KCNIP4: variants seen among roughly 807,000 people sequenced by gnomAD.
KCNIP4 encodes the protein Kv channel-interacting protein 4.
KCNIP4 carries 12 observed loss-of-function variants against 34.0 expected under a neutral mutation model. The observed-to-expected ratio is 0.35, with a 90% CI of 0.23 to 0.57. The LOEUF is 0.57. KCNIP4 is among the 20% of genes least tolerant of loss of function. KCNIP4 has a pLI of 0.83. For synonymous variants in KCNIP4, 124 were observed against 102.2 expected, an observed-to-expected ratio of 1.21 and a Z score of -1.29; for missense variants, 238 against 311.7, an observed-to-expected ratio of 0.76 and a Z score of 1.78.
intron 1 of KCNIP4, among the ~76,000 whole-genome samples, chr4:21,615,315 C>A (rs1388927209): frequency 6.6e-6 from 1 of 151,110 alleles, no homozygotes; most frequent in Non-Finnish European, 1.5e-5. Context: ...CTGAGGCGGG[C>A]GGATCACGAG....
intron 1 of KCNIP4, among the ~76,000 whole-genome samples, chr4:21,361,190 C>T (rs1252973351): frequency 6.6e-6 from 1 of 151,994 alleles, no homozygotes; most frequent in East Asian, 1.9e-4. Flanking sequence ...GCACTGGAGT[C>T]AGTTGTCTTG....
intron 1 of KCNIP4, among the ~76,000 whole-genome samples, chr4:21,800,252 T>C (rs776100838): frequency 3.3e-5 from 5 of 152,210 alleles, no homozygotes; most frequent in Non-Finnish European, 5.9e-5. Flanking sequence ...GATTATGCTA[T>C]AGGGCTCTGT....
intron 1 of KCNIP4, among the ~76,000 whole-genome samples, chr4:21,475,663 A>G (rs1730889165): frequency 1.3e-5 from 2 of 152,012 alleles, no homozygotes; most frequent in South Asian, 2.1e-4. Context: ...TTACAAAACT[A>G]TACTCTGGAA....
At chr4:21,843,205 T>C (rs533249180) in intron 1 of KCNIP4, 15 of 152,124 alleles carry the variant, frequency 9.9e-5, no homozygotes, top group Non-Finnish European at 2.1e-4. Context: ...ATGTAAAAAA[T>C]AAAACTCAGC....
chr4:21,699,678 C>T (rs2167246), intron 1 of KCNIP4, among the ~76,000 whole-genome samples: 15,095 of 152,138 alleles, frequency 0.099, 2,155 homozygotes, highest in African/African-American at 0.32. Context: ...AAGGGTGTGG[C>T]TGCTGAAACA....
At chr4:20,835,463 A>C (rs185321449) in intron 3 of KCNIP4, among the ~76,000 whole-genome samples, 123 of 151,890 alleles carry the variant, frequency 8.1e-4, no homozygotes, top group African/African-American at 3.0e-3. Flanking sequence ...TTATTATTTT[A>C]AAAAAACCTA....
At chr4:21,913,177 T>C (rs1188469575) in intron 1 of KCNIP4, among the ~76,000 whole-genome samples, 1 of 151,848 alleles carries the variant, frequency 6.6e-6, no homozygotes, top group Non-Finnish European at 1.5e-5. Context: ...ATGTTTCTTA[T>C]AAAAAAGGGG....
At chr4:20,970,677 T>C (rs1002437482) in intron 1 of KCNIP4, among the ~76,000 whole-genome samples, 2 of 152,178 alleles carry the variant, frequency 1.3e-5, no homozygotes. Flanking sequence ...CAAAGAATTA[T>C]CCAGCCCCAA....
chr4:21,489,935 G>A (rs1732237379), intron 1 of KCNIP4, among the ~76,000 whole-genome samples: 1 of 150,980 alleles, frequency 6.6e-6, no homozygotes, highest in African/African-American at 2.4e-5. Flanking sequence ...GATAACTTTG[G>A]TGAGATTTTC....
At chr4:21,479,431 T>C (rs358589) in intron 1 of KCNIP4, among the ~76,000 whole-genome samples, 107,033 of 152,006 alleles carry the variant, frequency 0.7, 38,276 homozygotes, top group African/African-American at 0.83. Flanking sequence ...TGGAATGAGA[T>C]ATGCATGCTA....
intron 1 of KCNIP4, among the ~76,000 whole-genome samples, chr4:21,090,903 A>G (rs761557824): frequency 1.4e-4 from 21 of 152,246 alleles, no homozygotes; most frequent in Non-Finnish European, 2.5e-4. Context: ...GAGCAAAAAC[A>G]GAACAATCTT....
intron 1 of KCNIP4, among the ~76,000 whole-genome samples, chr4:21,221,318 G>A (rs568916104): frequency 2.0e-4 from 31 of 152,216 alleles, no homozygotes; most frequent in African/African-American, 3.9e-4. Flanking sequence ...GTATTAATCC[G>A]TTTTCATACT....
At chr4:21,737,259 C>T (rs1040637622) in intron 1 of KCNIP4, among the ~76,000 whole-genome samples, 4 of 152,088 alleles carry the variant, frequency 2.6e-5, no homozygotes, top group Non-Finnish European at 4.4e-5. Context: ...CACATCAAAC[C>T]GTGCCTGAGA....
intron 1 of KCNIP4, among the ~76,000 whole-genome samples, chr4:21,445,875 C>A (rs1229586556): frequency 6.6e-6 from 1 of 152,168 alleles, no homozygotes; most frequent in East Asian, 1.9e-4. Context: ...ATCTACTCAT[C>A]TGACAAAGGG....
chr4:20,731,642 A>G, intron 8 of KCNIP4: 1 of 985,282 alleles, frequency 1.0e-6, no homozygotes, highest in Non-Finnish European at 1.2e-6. Flanking sequence ...AGGAATTCTA[A>G]TGCTGTGGAG....
chr4:20,858,313 A>G (rs1248572815), intron 2 of KCNIP4, among the ~76,000 whole-genome samples: 1 of 151,446 alleles, frequency 6.6e-6, no homozygotes, highest in East Asian at 1.9e-4. Context: ...GATGGCTCAC[A>G]GCTGGTACCT....
intron 1 of KCNIP4, among the ~76,000 whole-genome samples, chr4:21,562,223 A>T (rs916900207): frequency 8.9e-5 from 4 of 45,052 alleles, no homozygotes; most frequent in Admixed American, 1.9e-4. Context: ...GGTTTAATTT[A>T]AAAAAAAAAT....
intron 1 of KCNIP4, among the ~76,000 whole-genome samples, chr4:21,920,150 A>G (rs1022588873): frequency 1.3e-5 from 2 of 152,182 alleles, no homozygotes; most frequent in East Asian, 3.8e-4. Context: ...GAATTTGTGT[A>G]GTATGTGGAA....
intron 5 of KCNIP4, among the ~76,000 whole-genome samples, chr4:20,735,510 C>T (rs1749365641): frequency 6.9e-6 from 1 of 145,100 alleles, no homozygotes; most frequent in African/African-American, 2.5e-5. Context: ...TGATTAAATT[C>T]ATTTAGTGTT....
Sources: allele counts gnomAD v4.1 joint callset (sites outside exome capture counted in the v4.1 genomes callset), GRCh38; gene constraint gnomAD v4.1.1; transcripts MANE v1.5; gene names NCBI Gene and HGNC (gene_info 2026-07-23, HGNC 2026-07-21).